Variants in PRKCQ observed in about 807,000 individuals in gnomAD.
The protein encoded by PRKCQ is protein kinase C theta type.
A neutral mutation model predicts 91.2 loss-of-function variants in PRKCQ; 41 were observed. That is an observed-to-expected ratio of 0.45 (90% CI 0.35 to 0.58). PRKCQ has a LOEUF of 0.58. Ranked by LOEUF, PRKCQ falls within the 20% of genes least tolerant of loss-of-function variation. PRKCQ has a pLI of 0.00. For synonymous variants in PRKCQ, 307 were observed against 316.9 expected (o/e 0.97, Z 0.33); for missense variants, 673 against 896.5 (o/e 0.75, Z 3.18).
In PRKCQ at chr10:6,432,138, G is replaced by A. The variant is rs538321199; in HGVS notation, c.1837-1200C>T. On this transcript the variant is annotated intron_variant, in intron 16 of 17. Coordinates refer to ENST00000263125, the MANE Select transcript of PRKCQ (RefSeq NM_006257.5). ...TATAGGGCATTTTAAGGAGCCTAAG[G>A]TTCTTTAAAACAGAAAACATGGTGG... Among the ~76,000 whole-genome samples the A allele has an allele frequency of 8.5e-5, 13 of 152,280 alleles. No homozygotes were observed. In the South Asian group the frequency reaches 2.7e-3, roughly 32 times the overall value.
the PRKCQ span, among the ~76,000 whole-genome samples, chr10:6,404,462 CCT>C: frequency 2.0e-5 from 3 of 148,792 alleles, no homozygotes; most frequent in African/African-American, 7.4e-5. Flanking sequence ...TTTCTTCCTT[CCT>C]TTTTTCCTTT....
intron 16 of PRKCQ, among the ~76,000 whole-genome samples, chr10:6,431,455 C>T (rs1833423474): frequency 1.3e-5 from 2 of 152,146 alleles, no homozygotes; most frequent in Non-Finnish European, 2.9e-5. Context: ...TACACATGCA[C>T]ATGGACATGA....
the PRKCQ span, among the ~76,000 whole-genome samples, chr10:6,413,064 T>C: frequency 6.6e-6 from 1 of 152,184 alleles, no homozygotes; most frequent in Non-Finnish European, 1.5e-5. Context: ...GCCATTCTCC[T>C]GCCTCAGCCT....
At chr10:6,443,135 CA>C (rs1429517115) in intron 15 of PRKCQ, among the ~76,000 whole-genome samples, 3 of 151,938 alleles carry the variant, frequency 2.0e-5, no homozygotes, top group Non-Finnish European at 4.4e-5. Context: ...ACTCTTCTGG[CA>C]AAAAAGGCTT....
intron 1 of PRKCQ, among the ~76,000 whole-genome samples, chr10:6,561,606 T>C (rs1840636632): frequency 6.6e-6 from 1 of 152,168 alleles, no homozygotes; most frequent in Non-Finnish European, 1.5e-5. Context: ...TGCCAAAAAA[T>C]AATTTATGTA....
Position 6,572,174 on chromosome 10 carries a change from C to T in PRKCQ, c.-10+8037G>A, listed in dbSNP as rs560463651. Among the ~76,000 whole-genome samples, 12 of 152,268 alleles carry T rather than the reference C, an allele frequency of 7.9e-5. No individual in the cohort carries two copies. In the South Asian group the frequency reaches 2.5e-3, roughly 32 times the overall value. The stretch of plus-strand genomic sequence containing the variant: ...CCCCTGAGCTCATCTGATTCTATGA[C>T]TTAAAGGAATGGTATAGAAAACTAA... On this transcript the variant is annotated intron_variant, in intron 1 of 17. Coordinates refer to ENST00000263125, the MANE Select transcript of PRKCQ (RefSeq NM_006257.5).
chr10:6,498,304 C>G, intron 5 of PRKCQ, 92 bp downstream of exon 5: 2 of 1,471,824 alleles, frequency 1.4e-6, no homozygotes, highest in South Asian at 2.5e-5. Context: ...TCCAGCACAC[C>G]CCCCACAGTG....
At chr10:6,505,026 T>C (rs2130841556) in intron 4 of PRKCQ, among the ~76,000 whole-genome samples, 1 of 152,134 alleles carries the variant, frequency 6.6e-6, no homozygotes, top group South Asian at 2.1e-4. Flanking sequence ...CCCGAGTAGC[T>C]GGGACTACAG....
intron 1 of PRKCQ, among the ~76,000 whole-genome samples, chr10:6,573,471 G>A (rs553388744): frequency 5.3e-5 from 8 of 152,074 alleles, no homozygotes; most frequent in Non-Finnish European, 7.4e-5. Context: ...CTGAACCTCC[G>A]AATCAGGACT....
At chr10:6,521,863 C>A (rs1409572841) in intron 1 of PRKCQ, among the ~76,000 whole-genome samples, 1 of 152,168 alleles carries the variant, frequency 6.6e-6, no homozygotes, top group Non-Finnish European at 1.5e-5. Flanking sequence ...GCTACCCCAG[C>A]TGCAAAACAC....
the PRKCQ span, among the ~76,000 whole-genome samples, chr10:6,415,041 C>A: frequency 6.6e-6 from 1 of 152,086 alleles, no homozygotes; most frequent in East Asian, 1.9e-4. Flanking sequence ...CCACTCACTG[C>A]AACCTCCGTC....
At chr10:6,398,096 T>C in the PRKCQ span, among the ~76,000 whole-genome samples, 2 of 152,248 alleles carry the variant, frequency 1.3e-5, no homozygotes, top group Non-Finnish European at 2.9e-5. Flanking sequence ...CTTTTGAATG[T>C]AGATATTCAG....
rs1177907409 is a variant in PRKCQ at position 6,497,790 on chromosome 10, C to T, written c.543-539G>A. Among the ~76,000 whole-genome samples the T allele has an allele frequency of 6.6e-6, 1 of 152,140 alleles. No individual in the cohort carries two copies. The highest frequency in any genetic ancestry group is 1.5e-5 in the Non-Finnish European group (1 of 68,028). ...CCAAGTCGATCTGGCATGTGGATAC[C>T]CTGGTTACACAGGAGCTGTGCTTTA... On this transcript the variant is annotated intron_variant, in intron 5 of 17. Coordinates refer to ENST00000263125, the MANE Select transcript of PRKCQ (RefSeq NM_006257.5). The surrounding 1 kb of genome is among the most constrained non-coding windows in gnomAD (Gnocchi z 4.5).
chr10:6,580,311 G>A (rs949417286), upstream of PRKCQ: 2 of 148,612 alleles, frequency 1.3e-5, no homozygotes, highest in African/African-American at 4.9e-5. Flanking sequence ...GGGCTGGCGG[G>A]GCTGGCGGGG....
At chr10:6,518,245 T>C (rs558383051) in intron 1 of PRKCQ, among the ~76,000 whole-genome samples, 1 of 152,250 alleles carries the variant, frequency 6.6e-6, no homozygotes, top group East Asian at 1.9e-4. Flanking sequence ...GTGTTATAAA[T>C]ACAGAGATTA....
At position 6,430,541 on chromosome 10, in the gene PRKCQ, C is replaced by T. The variant is rs1213502289; in HGVS notation, c.1965+269G>A. On this transcript the variant is annotated intron_variant, in intron 17 of 17. Coordinates refer to ENST00000263125, the MANE Select transcript of PRKCQ (RefSeq NM_006257.5). The surrounding 1 kb of genome is among the most constrained non-coding windows in gnomAD (Gnocchi z 4.7). ...ATAGTCACCCTCACAAATTCATATT[C>T]AACCTAAGGCGTGGACACACAGCAA... is the stretch of plus-strand genomic sequence containing the variant. Among the ~76,000 whole-genome samples the T allele has an allele frequency of 6.6e-6, 1 of 152,204 alleles. No homozygotes were observed. Among genetic ancestry groups the T allele is most frequent in the Non-Finnish European group, 1.5e-5 (1 of 68,038 alleles).
rs1453334430 is a variant in PRKCQ at position 6,430,912 on chromosome 10, C to T, written c.1863G>A (p.Arg621=). 1.2e-6 allele frequency: 2 copies of T among 1,614,110 alleles called. No homozygotes were observed. Among genetic ancestry groups the T allele is most frequent in the South Asian group, 1.1e-5 (1 of 91,076 alleles). The change falls in exon 17 of 18, where the codon AGG becomes AGA. Residue 621 remains arginine (R), a synonymous_variant. Transcript: ENST00000263125. This position sits in a 1 kb window ranked among gnomAD's most constrained non-coding sequence, Gnocchi z 4.7. ...VKLFVREPEK[R]LGVRGDIRQH... is the part of the protein sequence containing the mutation. ...GGCGGATGTCTCCCCTCACGCCCAG[C>T]CTCTTCTCAGGTTCTCGCACGAAGA... is the stretch of plus-strand genomic sequence containing the variant.
rs117459653 is a variant in PRKCQ at position 6,561,767 on chromosome 10, G to A, written c.-10+18444C>T. Among the ~76,000 whole-genome samples the A allele has an allele frequency of 1.9e-3, 293 of 152,260 alleles. 3 individuals are homozygous for A. The East Asian group carries it at 0.031, about 16-fold the overall frequency. ...AATTAAACAAACTTTCTTCTTAACA[G>A]CTCTTTGCAAGTGACAGTCGTCAGT... is the stretch of plus-strand genomic sequence containing the variant. On this transcript the variant is annotated intron_variant, in intron 1 of 17. Transcript: ENST00000263125.
intron 15 of PRKCQ, among the ~76,000 whole-genome samples, chr10:6,442,563 G>C (rs760549350): frequency 5.3e-5 from 8 of 152,130 alleles, no homozygotes; most frequent in Non-Finnish European, 1.0e-4. Context: ...CTTCCTTAAA[G>C]CCTTGCTATC....
Sources: allele counts gnomAD v4.1 joint callset (sites outside exome capture counted in the v4.1 genomes callset), GRCh38; gene constraint gnomAD v4.1.1; non-coding constraint Gnocchi (gnomAD v3.1); transcripts MANE v1.5; gene names NCBI Gene and HGNC (gene_info 2026-07-23, HGNC 2026-07-21).